Variants in RBFOX2 observed in about 807,000 individuals in gnomAD.
The protein encoded by RBFOX2 is RNA binding fox-1 homolog 2, also known as RNA binding protein fox-1 homolog 2.
RBFOX2 carries 10 observed loss-of-function variants against 49.1 expected under a neutral mutation model. The observed-to-expected ratio is 0.20, with a 90% CI of 0.13 to 0.35. RBFOX2 has a LOEUF of 0.35. RBFOX2 is among the 10% of genes least tolerant of loss of function. The pLI is 1.00. For synonymous variants in RBFOX2, 183 were observed against 187.4 expected (o/e 0.98, Z 0.19); for missense variants, 323 against 486.9 (o/e 0.66, Z 3.17).
chr22:35,768,933 C>T (rs1377906421), intron 4 of RBFOX2, among the ~76,000 whole-genome samples: 4 of 152,110 alleles, frequency 2.6e-5, no homozygotes, highest in Non-Finnish European at 4.4e-5. Flanking sequence ...TAACTTAGGG[C>T]ATAGTCGGTG....
intron 1 of RBFOX2, among the ~76,000 whole-genome samples, chr22:35,819,935 T>G (rs956365368): frequency 6.6e-6 from 1 of 152,134 alleles, no homozygotes; most frequent in Non-Finnish European, 1.5e-5. Context: ...TATACGTGTA[T>G]CTGGATGGAA....
chr22:35,795,665 A>G (rs547661192), intron 2 of RBFOX2, among the ~76,000 whole-genome samples: 3 of 150,030 alleles, frequency 2.0e-5, no homozygotes, highest in South Asian at 2.1e-4. Context: ...TCCTCTGAGC[A>G]TAATGGTCAA....
At chr22:35,824,770 T>C (rs1955278604) in intron 1 of RBFOX2, among the ~76,000 whole-genome samples, 1 of 152,230 alleles carries the variant, frequency 6.6e-6, no homozygotes, top group East Asian at 1.9e-4. Flanking sequence ...CCACATTTCC[T>C]GTGAAAGTCA....
intron 1 of RBFOX2, among the ~76,000 whole-genome samples, chr22:35,859,119 G>A (rs183713619): frequency 1.3e-5 from 2 of 152,250 alleles, no homozygotes; most frequent in East Asian, 3.9e-4. Flanking sequence ...TAAATGCCAC[G>A]CTTATTCCAA....
chr22:35,956,268 T>C (rs2055543805), intron 1 of RBFOX2, among the ~76,000 whole-genome samples: 1 of 152,230 alleles, frequency 6.6e-6, no homozygotes, highest in Non-Finnish European at 1.5e-5. Flanking sequence ...TAGGCCAGGA[T>C]ACAAGTTTTC....
At chr22:35,835,880 A>G (rs903604788) in intron 1 of RBFOX2, among the ~76,000 whole-genome samples, 1 of 152,198 alleles carries the variant, frequency 6.6e-6, no homozygotes, top group Non-Finnish European at 1.5e-5. Context: ...AGAAATGATT[A>G]TAACTGAAGA....
Position 35,872,691 on chromosome 22 carries a change from C to T in RBFOX2, c.-33-62687G>A, listed in dbSNP as rs369763590. Among the ~76,000 whole-genome samples, 6 of 152,326 alleles carry T rather than the reference C, an allele frequency of 3.9e-5. No homozygotes were observed. In the South Asian group the frequency reaches 6.2e-4, roughly 16 times the overall value. On this transcript the variant is annotated intron_variant, in intron 1 of 13. Transcript: ENST00000359369. ...GACGTCTGTCGGTGTGCTCTTCTGC[C>T]GGCTTGCTCCCTTGACGTCCTCCCA...
rs573006749 is a variant in RBFOX2, at chr22:35,906,146, G to GA, written c.-34+32700dup. Among the ~76,000 whole-genome samples the GA allele has an allele frequency of 2.7e-4, 41 of 152,116 alleles. 1 individual carries two copies. Among genetic ancestry groups the GA allele is most frequent in the African/African-American group, 9.4e-4 (39 of 41,530 alleles). The stretch of plus-strand genomic sequence containing the variant: ...TGCATACCGCATATGTCATTAAGTG[G>GA]AAAAAAGAAAGGTTTAGCAATGGTT... On this transcript the variant is annotated intron_variant, in intron 1 of 13. Transcript: ENST00000359369.
At chr22:35,912,426 T>A (rs2049935437) in intron 1 of RBFOX2, among the ~76,000 whole-genome samples, 1 of 152,192 alleles carries the variant, frequency 6.6e-6, no homozygotes, top group East Asian at 1.9e-4. Flanking sequence ...AGAAAATTCT[T>A]CCACCTTTTC....
At chr22:36,026,545 C>T (rs3075248) in intron 1 of RBFOX2, among the ~76,000 whole-genome samples, 2 of 116,928 alleles carry the variant, frequency 1.7e-5, no homozygotes, top group Non-Finnish European at 3.4e-5. Flanking sequence ...AATACATACA[C>T]ACACACACAC....
chr22:35,887,682 C>A (rs2046759429), intron 1 of RBFOX2, among the ~76,000 whole-genome samples: 1 of 152,098 alleles, frequency 6.6e-6, no homozygotes, highest in African/African-American at 2.4e-5. Flanking sequence ...CTAAATAGGG[C>A]TCCCTGATTT....
exon 1 of RBFOX2, chr22:36,028,533 C>T (rs1310666927): frequency 4.0e-5 from 39 of 963,516 alleles, no homozygotes; most frequent in Non-Finnish European, 4.8e-5. Flanking sequence ...CCTGCCCCCG[C>T]CCCCGCGTGC....
chr22:35,824,822 A>G (rs1955292535), intron 1 of RBFOX2, among the ~76,000 whole-genome samples: 1 of 152,254 alleles, frequency 6.6e-6, no homozygotes, highest in South Asian at 2.1e-4. Context: ...AAAAAGCATA[A>G]AAAGACATAT....
intron 1 of RBFOX2, among the ~76,000 whole-genome samples, chr22:35,886,092 G>A (rs1376732691): frequency 3.3e-5 from 5 of 151,920 alleles, no homozygotes; most frequent in African/African-American, 1.2e-4. Context: ...TCCTGACCTC[G>A]TGATCCGCCC....
At chr22:35,778,197 T>C in intron 3 of RBFOX2, 119 bp from the exon 5 acceptor site, 1 of 807,486 alleles carries the variant, frequency 1.2e-6, no homozygotes, top group Non-Finnish European at 2.0e-6. Flanking sequence ...ATTTAACTTC[T>C]ATGTTTGTAT....
In RBFOX2 at chr22:35,917,225, G is replaced by A. The variant is rs2050531022; in HGVS notation, c.-34+21622C>T. Among the ~76,000 whole-genome samples, 10 of 152,316 alleles carry A rather than the reference G, an allele frequency of 6.6e-5. 2 individuals are homozygous for A. The South Asian group carries it at 2.1e-3, about 32-fold the overall frequency. On this transcript the variant is annotated intron_variant, in intron 1 of 13. Transcript: ENST00000359369. ...AGGGGAAGACACAACAAAAAAGAAG[G>A]GGAGGAAGAGAAAGTACTGAAAGGG...
chr22:35,908,991 C>T (rs1243722452), intron 1 of RBFOX2, among the ~76,000 whole-genome samples: 2 of 151,938 alleles, frequency 1.3e-5, no homozygotes, highest in African/African-American at 2.4e-5. Flanking sequence ...TACAGGCGCC[C>T]GCCACCACGC....
chr22:35,925,841 A>T (rs887924559), intron 1 of RBFOX2, among the ~76,000 whole-genome samples: 1 of 152,226 alleles, frequency 6.6e-6, no homozygotes, highest in Non-Finnish European at 1.5e-5. Flanking sequence ...AGCAGATAAA[A>T]GCTAAGCAGA....
At chr22:35,870,409 C>A (rs1023306547) in intron 1 of RBFOX2, among the ~76,000 whole-genome samples, 1 of 151,986 alleles carries the variant, frequency 6.6e-6, no homozygotes, top group African/African-American at 2.4e-5. Context: ...GAGGTGGAGG[C>A]TGCAGTGAGC....
Sources: gnomAD v4.1 joint callset for allele counts (sites outside exome capture counted in the v4.1 genomes callset) on GRCh38, gnomAD v4.1.1 for gene constraint, MANE v1.5 for transcripts, NCBI Gene and HGNC (gene_info 2026-07-23, HGNC 2026-07-21) for gene names.